CCDC34: variants seen among roughly 807,000 people sequenced by gnomAD.
CCDC34 encodes the protein coiled-coil domain containing 34.
In CCDC34, 40 loss-of-function variants were observed where a neutral mutation model predicts 44.1. That is an observed-to-expected ratio of 0.91 (90% CI 0.70 to 1.18). The LOEUF (loss-of-function observed/expected upper bound fraction) is 1.18. Among genes scored for constraint, CCDC34 ranks in the 50% most tolerant of loss-of-function variants. The pLI is 0.00. For synonymous variants in CCDC34, 159 were observed against 158.2 expected (o/e 1.01, Z -0.04); for missense variants, 466 against 452.3 (o/e 1.03, Z -0.28).
chr11:27,356,085 C>T (rs1031701485), intron 2 of CCDC34, among the ~76,000 whole-genome samples: 8 of 121,916 alleles, frequency 6.6e-5, no homozygotes, highest in African/African-American at 9.3e-5. Flanking sequence ...ATGGTGTGAT[C>T]TCAGCTCACC....
chr11:27,350,216 C>G (rs758172289), intron 3 of CCDC34, 116 bp downstream of exon 3: 2 of 1,581,432 alleles, frequency 1.3e-6, no homozygotes, highest in Non-Finnish European at 1.7e-6. Flanking sequence ...ACAAAACAAG[C>G]CAAAGAAGAA....
chr11:27,362,331 T>C (rs1249830373), intron 1 of CCDC34, among the ~76,000 whole-genome samples: 2 of 152,324 alleles, frequency 1.3e-5, no homozygotes, highest in African/African-American at 2.4e-5. Context: ...CGTCTCCACA[T>C]GCTGAGGTTG....
Position 27,362,993 on chromosome 11 carries a change from A to G in CCDC34, c.202T>C (p.Ser68Pro). Residue 68 changes from serine to proline, a missense_variant, in exon 1 of 6, where the codon TCT becomes CCT. Transcript: ENST00000328697. ...SCSNSTRSLL[S>P]PLGHQSFQFD... ...TGGAAGCTCTGGTGGCCAAGGGGAG[A>G]CAACAGCGACCTGGTGGAATTGCTG... 6.2e-7 allele frequency: 1 copy of G among 1,614,134 alleles called. No homozygotes were observed. The highest frequency in any genetic ancestry group is 1.1e-5 in the South Asian group (1 of 91,074).
intron 2 of CCDC34, among the ~76,000 whole-genome samples, chr11:27,354,563 G>A (rs2133347310): frequency 6.6e-6 from 1 of 152,146 alleles, no homozygotes; most frequent in Admixed American, 6.5e-5. Context: ...AGGAAGTATG[G>A]CTCAAGAATT....
In CCDC34 at chr11:27,357,560, T is replaced by C; in HGVS notation, c.360-19A>G. 5 of 1,608,130 alleles carry C rather than the reference T, an allele frequency of 3.1e-6. No homozygotes were observed. The highest frequency in any genetic ancestry group is 4.2e-6 in the Non-Finnish European group (5 of 1,176,822). On this transcript the variant is annotated intron_variant, in intron 1 of 5. Coordinates refer to ENST00000328697, the MANE Select transcript of CCDC34 (RefSeq NM_030771.2). ...CTGAGTGCTACAAAAGAGAGGCTACTATAGTACTTGTACAAGAACCTCTTT... is the reference window on the plus strand; with the variant it reads ...CTGAGTGCTACAAAAGAGAGGCTACCATAGTACTTGTACAAGAACCTCTTT...
chr11:27,346,035 A>G (rs1437238739), intron 3 of CCDC34, among the ~76,000 whole-genome samples: 1 of 152,172 alleles, frequency 6.6e-6, no homozygotes, highest in Non-Finnish European at 1.5e-5. Flanking sequence ...TCTGATGGCC[A>G]TTTCTTAAAT....
At chr11:27,361,290 TAGTC>T (rs1337631842) in intron 1 of CCDC34, among the ~76,000 whole-genome samples, 3 of 152,226 alleles carry the variant, frequency 2.0e-5, no homozygotes, top group Non-Finnish European at 2.9e-5. Flanking sequence ...AGGCTCCACT[TAGTC>T]AGGGCTTTGG....
chr11:27,348,971 A>C, intron 3 of CCDC34: 1 of 985,068 alleles, frequency 1.0e-6, no homozygotes, highest in Non-Finnish European at 1.2e-6. Context: ...TTCCCTCCAA[A>C]AGAAATAATT....
rs752686656 is a variant in CCDC34 at position 27,363,090 on chromosome 11, G to C, written c.105C>G (p.Val35=). The change falls in exon 1 of 6, where the codon GTC becomes GTG. Residue 35 remains valine, a synonymous_variant. Coordinates refer to ENST00000328697, the MANE Select transcript of CCDC34 (RefSeq NM_030771.2). ...RSRPSSDSCS[V]PMTGARGQGL... Reference sequence around the variant, plus strand: ...CCTGCCCACGTGCGCCCGTCATAGGGACTGAGCAGGAGTCCGAGGAGGGCC... The same window carrying C: ...CCTGCCCACGTGCGCCCGTCATAGGCACTGAGCAGGAGTCCGAGGAGGGCC... The C allele has an allele frequency of 6.2e-7, 1 of 1,609,142 alleles. No homozygotes were observed. Among genetic ancestry groups the C allele is most frequent in the East Asian group, 2.2e-5 (1 of 44,826 alleles).
chr11:27,348,870 A>C (rs768494756), intron 3 of CCDC34: 12 of 974,318 alleles, frequency 1.2e-5, no homozygotes, highest in Non-Finnish European at 1.5e-5. Flanking sequence ...CAGAACAGGT[A>C]AATATAACGT....
rs1282347119 is a variant in CCDC34, at chr11:27,341,696, G to A, written c.607-146C>T. 4 of 505,538 alleles carry A rather than the reference G, an allele frequency of 7.9e-6. No homozygotes were observed. The African/African-American group carries it at 7.9e-5, about 10-fold the overall frequency. 31.3% of individuals were successfully genotyped at this position (505,538 alleles called of 1,614,324 possible). On this transcript the variant is annotated intron_variant, in intron 3 of 5. Coordinates refer to ENST00000328697, the MANE Select transcript of CCDC34 (RefSeq NM_030771.2). The stretch of plus-strand genomic sequence containing the variant: ...TGGCAGTTGGCACAACATGGTTTAT[G>A]AAAATATATAACATACCTGCAATTA...
At chr11:27,353,841 T>C (rs1220078473) in intron 2 of CCDC34, among the ~76,000 whole-genome samples, 1 of 152,192 alleles carries the variant, frequency 6.6e-6, no homozygotes, top group Non-Finnish European at 1.5e-5. Context: ...CTTGATATTG[T>C]GGGAAAAGCA....
At chr11:27,350,179 T>G in intron 3 of CCDC34, 153 bp downstream of exon 3, 2 of 1,546,244 alleles carry the variant, frequency 1.3e-6, no homozygotes, top group Non-Finnish European at 1.7e-6. Flanking sequence ...AGATAGAGAC[T>G]TGATAAATGT....
intron 2 of CCDC34, among the ~76,000 whole-genome samples, chr11:27,351,827 C>T (rs1015837424): frequency 6.6e-6 from 1 of 152,102 alleles, no homozygotes; most frequent in African/African-American, 2.4e-5. Context: ...ATACAAGGAA[C>T]AGTGAAAAGA....
At chr11:27,344,831 A>T (rs1426435383) in intron 3 of CCDC34, among the ~76,000 whole-genome samples, 3 of 152,130 alleles carry the variant, frequency 2.0e-5, no homozygotes, top group Non-Finnish European at 4.4e-5. Flanking sequence ...ATTATTAGGG[A>T]AATTGATAAG....
Position 27,339,046 on chromosome 11 carries a change from TG to T in CCDC34, c.908-12del. 2 of 1,586,152 alleles carry T rather than the reference TG, an allele frequency of 1.3e-6. No homozygotes were observed. The highest frequency in any genetic ancestry group is 1.2e-5 in the South Asian group (1 of 85,956). On this transcript the variant is annotated splice_polypyrimidine_tract_variant and intron_variant, in intron 5 of 5. Coordinates refer to ENST00000328697, the MANE Select transcript of CCDC34 (RefSeq NM_030771.2). Reference sequence around the variant, plus strand: ...TTCCACTGTAAAAACCTAAAATTATTGAAAAATCAGATCAAAACAAGGAAAA... The same window carrying T: ...TTCCACTGTAAAAACCTAAAATTATTAAAAATCAGATCAAAACAAGGAAAA...
rs34576096 is a variant in CCDC34 at position 27,356,074 on chromosome 11, A to G, written c.498+1329T>C. 1.4e-3 allele frequency among the ~76,000 whole-genome samples: 189 copies of G among 133,196 alleles called. 2 individuals are homozygous for G. Among genetic ancestry groups the G allele is most frequent in the Non-Finnish European group, 1.9e-3 (123 of 65,412 alleles). 87.4% of individuals were successfully genotyped at this position (133,196 alleles called of 152,430 possible). A position where few individuals can be genotyped will look rare whatever the true frequency, so the allele number is the denominator to read the frequency against. On this transcript the variant is annotated intron_variant, in intron 2 of 5. Transcript: ENST00000328697. ...GCTCTTGTTGGCCAGGCTGGAGTAC[A>G]ATGGTGTGATCTCAGCTCACCACAA...
chr11:27,341,810 G>C (rs1172358495), intron 3 of CCDC34, among the ~76,000 whole-genome samples: 2 of 152,144 alleles, frequency 1.3e-5, no homozygotes, highest in Non-Finnish European at 2.9e-5. Context: ...TCAGAGCCTG[G>C]GGCAGTACTG....
chr11:27,346,633 G>T (rs938910583), intron 3 of CCDC34, among the ~76,000 whole-genome samples: 4 of 151,924 alleles, frequency 2.6e-5, no homozygotes, highest in Non-Finnish European at 5.9e-5. Context: ...TTCAAAAATG[G>T]GCAAATGACT....
Sources: gnomAD v4.1 joint callset for allele counts (sites outside exome capture counted in the v4.1 genomes callset) on GRCh38, gnomAD v4.1.1 for gene constraint, MANE v1.5 for transcripts, NCBI Gene and HGNC (gene_info 2026-07-23, HGNC 2026-07-21) for gene names.